IQCF3: variants seen among roughly 807,000 people sequenced by gnomAD.
IQCF3 encodes the protein IQ domain-containing protein F3.
Under a neutral mutation model 5.1 loss-of-function variants are expected in IQCF3, and 7 were observed. That is an observed-to-expected ratio of 1.36 (90% CI 0.78 to 2.56). IQCF3 has a LOEUF of 2.56. IQCF3 is among the 30% of genes most tolerant of loss of function. The pLI, the probability that IQCF3 is intolerant of heterozygous loss-of-function variation, is 0.00. For missense variants in IQCF3, 189 were observed against 196.5 expected, an observed-to-expected ratio of 0.96 and a Z score of 0.23; for synonymous variants, 82 against 72.8, an observed-to-expected ratio of 1.13 and a Z score of -0.64.
At chr3:51,829,965 A>G (rs1698343003) in intron 2 of IQCF3, 1 of 534,482 alleles carries the variant, frequency 1.9e-6, no homozygotes, top group Non-Finnish European at 3.4e-6. Context: ...GGACTGAGAC[A>G]TGGTAGTGGA....
At position 51,829,705 on chromosome 3, in the gene IQCF3, G is replaced by C; in HGVS notation, c.59G>C (p.Arg20Pro). ...PDEDAVERQR[R>P]QKLLLAQLHH... ...GAAGATGCAGTAGAAAGACAGAGGC[G>C]GCAGAAGGTAGGTGGGGCCCAGGAG... Residue 20 changes from arginine to proline, a missense_variant, in exon 2 of 3, where the codon CGG becomes CCG. By Grantham distance (103) the Arg-to-Pro change is moderately radical. Transcript: ENST00000440739. 6.2e-7 allele frequency: 1 copy of C among 1,613,740 alleles called. No homozygotes were observed. Among genetic ancestry groups the C allele is most frequent in the Non-Finnish European group, 8.5e-7 (1 of 1,179,814 alleles).
chr3:51,829,284 A>G (rs1240675921), upstream of IQCF3: 2 of 627,746 alleles, frequency 3.2e-6, no homozygotes, highest in Non-Finnish European at 5.8e-6. Context: ...AGAGTTGCCC[A>G]AGGAAGTCAA....
rs1000359119 is a variant in IQCF3 at position 51,830,773 on chromosome 3, A to G, written c.437A>G (p.Glu146Gly). ...TATGCAATCCCTTCAAAGCAGCCAG[A>G]GTTCCACATTGAAATCCTATCAATC... ...VQYAIPSKQPEFHIEILSI is the reference protein window; with the variant it reads ...VQYAIPSKQPGFHIEILSI The change falls in exon 3 of 3, where the codon GAG (glutamate) becomes GGG (glycine). Residue 146 changes from glutamate (E) to glycine (G), a missense_variant. Glu to Gly is a moderately conservative substitution (Grantham distance 98, BLOSUM62 -2). Transcript: ENST00000440739. This position sits in a 1 kb window ranked among gnomAD's most constrained non-coding sequence, Gnocchi z 4.1. 14 of 1,590,296 alleles carry G rather than the reference A, an allele frequency of 8.8e-6. No individual in the cohort carries two copies. Among genetic ancestry groups the G allele is most frequent in the Non-Finnish European group, 1.1e-5 (13 of 1,165,258 alleles).
rs540409284 is a variant in IQCF3 at position 51,830,540 on chromosome 3, G to A, written c.204G>A (p.Arg68=). The A allele has an allele frequency of 3.1e-6, 5 of 1,613,920 alleles. No individual in the cohort carries two copies. Among genetic ancestry groups the A allele is most frequent in the Non-Finnish European group, 4.2e-6 (5 of 1,179,906 alleles). The change falls in exon 3 of 3, where the codon AGG becomes AGA. Residue 68 remains arginine (R), a synonymous_variant. Coordinates refer to ENST00000440739, the MANE Select transcript of IQCF3 (RefSeq NM_001393887.1). The surrounding 1 kb of genome is among the most constrained non-coding windows in gnomAD (Gnocchi z 4.1). ...CCTGGATGATTCAGTGCTGGTGGAG[G>A]ACGTTGGTGCAGAGACGGATCCGTC... ...LRAWMIQCWW[R]TLVQRRIRQR...
chr3:51,829,717 G>A lies in IQCF3; in HGVS notation c.66+5G>A. 5.6e-6 allele frequency: 9 copies of A among 1,613,512 alleles called. No homozygotes were observed. Among genetic ancestry groups the A allele is most frequent in the Non-Finnish European group, 7.6e-6 (9 of 1,179,716 alleles). On this transcript the variant is annotated splice_donor_5th_base_variant and intron_variant, in intron 2 of 2. Transcript: ENST00000440739. ...GAAAGACAGAGGCGGCAGAAGGTAG[G>A]TGGGGCCCAGGAGGGTGAGAGAATT... is the stretch of plus-strand genomic sequence containing the variant.
In IQCF3 at chr3:51,830,633, C is replaced by T. The variant is rs1698354804; in HGVS notation, c.297C>T (p.Cys99=). 6.2e-7 allele frequency: 1 copy of T among 1,613,906 alleles called. No homozygotes were observed. Among genetic ancestry groups the T allele is most frequent in the Admixed American group, 1.7e-5 (1 of 60,008 alleles). The change falls in exon 3 of 3, where the codon TGC becomes TGT. Residue 99 remains cysteine, a synonymous_variant. Transcript: ENST00000440739. The surrounding 1 kb of genome is among the most constrained non-coding windows in gnomAD (Gnocchi z 4.1). ...QEQATVKLQS[C]IRMWQCRQCY... ...AGGCGACGGTCAAGCTCCAGTCCTG[C>T]ATCCGCATGTGGCAGTGCCGGCAAT...
rs774924826 is a variant in IQCF3 at position 51,830,724 on chromosome 3, A to G, written c.388A>G (p.Thr130Ala). 3.1e-6 allele frequency: 5 copies of G among 1,613,376 alleles called. No individual in the cohort carries two copies. The highest frequency in any genetic ancestry group is 3.4e-6 in the Non-Finnish European group (4 of 1,179,584). The change falls in exon 3 of 3, where the codon ACT becomes GCT. Residue 130 changes from threonine to alanine, a missense_variant. Coordinates refer to ENST00000440739, the MANE Select transcript of IQCF3 (RefSeq NM_001393887.1). This position sits in a 1 kb window ranked among gnomAD's most constrained non-coding sequence, Gnocchi z 4.1. Reference protein sequence around the residue: ...QVPESSLAFQTDGFLQVQYAI... With the variant: ...QVPESSLAFQADGFLQVQYAI... ...CCCAGAGAGCAGCCTTGCCTTCCAG[A>G]CTGATGGCTTTTTACAGGTCCAATA...
upstream of IQCF3, among the ~76,000 whole-genome samples, chr3:51,827,905 T>C (rs1381037661): frequency 1.3e-5 from 2 of 152,144 alleles, no homozygotes; most frequent in Non-Finnish European, 2.9e-5. Context: ...TAAGTGAGAA[T>C]ATGTGGTACT....
chr3:51,829,577 G>C, intron 1 of IQCF3, 84 bp downstream of exon 1: 1 of 1,592,220 alleles, frequency 6.3e-7, no homozygotes, highest in Non-Finnish European at 8.6e-7. Flanking sequence ...TTAGGACCCA[G>C]GCAAAGAATG....
chr3:51,829,591 A>T, intron 1 of IQCF3, 74 bp from the exon 2 acceptor site: 1 of 1,596,868 alleles, frequency 6.3e-7, no homozygotes, highest in Non-Finnish European at 8.5e-7. Flanking sequence ...AAGAATGGGG[A>T]ACTGGGCCTG....
At chr3:51,827,814 A>C (rs1426501790), upstream of IQCF3, among the ~76,000 whole-genome samples, 9 of 151,552 alleles carry the variant, frequency 5.9e-5, no homozygotes, top group Non-Finnish European at 8.8e-5. Context: ...CCCTCCTCCC[A>C]CCCTCCACCC....
Position 51,830,337 on chromosome 3 carries a change from C to G in IQCF3, c.67-66C>G. The G allele has an allele frequency of 8.0e-6, 12 of 1,505,996 alleles. No homozygotes were observed. The highest frequency in any genetic ancestry group is 1.1e-5 in the Non-Finnish European group (12 of 1,127,356). The allele number at this position is 1,505,996 out of a possible 1,614,324, so 93.3% of individuals were successfully genotyped here. On this transcript the variant is annotated intron_variant, in intron 2 of 2. Coordinates refer to ENST00000440739, the MANE Select transcript of IQCF3 (RefSeq NM_001393887.1). The surrounding 1 kb of genome is among the most constrained non-coding windows in gnomAD (Gnocchi z 4.1). ...AAAACCAGCAGGGAGAGGGCTGATT[C>G]TTTAGAGAACCACCTGTGCTTGATG...
rs760031292 is a variant in IQCF3 at position 51,829,892 on chromosome 3, C to T, written c.66+180C>T. ...CAGTAAAAGGGGAGGAAGTTTCGTG[C>T]GCACAGCCACCTGATAGGTGGGGCT... On this transcript the variant is annotated intron_variant, in intron 2 of 2. Coordinates refer to ENST00000440739, the MANE Select transcript of IQCF3 (RefSeq NM_001393887.1). 56 of 628,496 alleles carry T rather than the reference C, an allele frequency of 8.9e-5. No homozygotes were observed. In the East Asian group the frequency reaches 1.1e-3, roughly 12 times the overall value. 38.9% of individuals were successfully genotyped at this position (628,496 alleles called of 1,614,324 possible). A position where few individuals can be genotyped will look rare whatever the true frequency, so the allele number is the denominator to read the frequency against.
At position 51,830,207 on chromosome 3, in the gene IQCF3, CAT is replaced by C. The variant is rs1397385489; in HGVS notation, c.67-193_67-192del. ...AAACCCGAGAAGTCCACAGATCAAA[CAT>C]ATCCCGATTTCATAGATGAGGGCAC... is the stretch of plus-strand genomic sequence containing the variant. On this transcript the variant is annotated intron_variant, in intron 2 of 2. Transcript: ENST00000440739. This position sits in a 1 kb window ranked among gnomAD's most constrained non-coding sequence, Gnocchi z 4.1. Among the ~76,000 whole-genome samples, 5 of 152,176 alleles carry C rather than the reference CAT, an allele frequency of 3.3e-5. No homozygotes were observed. The highest frequency in any genetic ancestry group is 7.3e-5 in the Non-Finnish European group (5 of 68,032).
At chr3:51,829,742 T>C (rs1675188398) in intron 2 of IQCF3, 30 bp downstream of exon 2, 1 of 1,599,562 alleles carries the variant, frequency 6.3e-7, no homozygotes, top group Non-Finnish European at 8.6e-7. Context: ...GTGAGAGAAT[T>C]GCAGATCATT....
chr3:51,829,040 T>C (rs1370082729), upstream of IQCF3, among the ~76,000 whole-genome samples: 2 of 152,144 alleles, frequency 1.3e-5, no homozygotes, highest in African/African-American at 4.8e-5. Flanking sequence ...AACATTTACA[T>C]TAAATGTTAA....
chr3:51,829,740 A>G, intron 2 of IQCF3, 28 bp downstream of exon 2: 4 of 1,601,576 alleles, frequency 2.5e-6, no homozygotes, highest in Non-Finnish European at 3.4e-6. Flanking sequence ...GGGTGAGAGA[A>G]TTGCAGATCA....
rs1698359878 is a variant in IQCF3 at position 51,830,774 on chromosome 3, G to A, written c.438G>A (p.Glu146=). Residue 146 remains glutamate (E), a synonymous_variant, in exon 3 of 3, where the codon GAG becomes GAA. Coordinates refer to ENST00000440739, the MANE Select transcript of IQCF3 (RefSeq NM_001393887.1). The surrounding 1 kb of genome is among the most constrained non-coding windows in gnomAD (Gnocchi z 4.1). ...VQYAIPSKQP[E]FHIEILSI ...ATGCAATCCCTTCAAAGCAGCCAGA[G>A]TTCCACATTGAAATCCTATCAATCT... The A allele has an allele frequency of 1.3e-6, 2 of 1,588,830 alleles. No individual in the cohort carries two copies. The highest frequency in any genetic ancestry group is 1.7e-6 in the Non-Finnish European group (2 of 1,164,506).
upstream of IQCF3, chr3:51,828,210 T>C (rs1698313797): frequency 6.6e-6 from 1 of 152,186 alleles, no homozygotes; most frequent in Non-Finnish European, 1.5e-5. Context: ...AATACCATGT[T>C]GAATAGGAGT....
Sources: allele counts gnomAD v4.1 joint callset (sites outside exome capture counted in the v4.1 genomes callset), GRCh38; gene constraint gnomAD v4.1.1; non-coding constraint Gnocchi (gnomAD v3.1); transcripts MANE v1.5; gene names NCBI Gene and HGNC (gene_info 2026-07-23, HGNC 2026-07-21).